Variants in COL19A1 observed in about 807,000 individuals in gnomAD.
COL19A1 encodes the protein collagen type XIX alpha 1 chain.
A neutral mutation model predicts 190.2 loss-of-function variants in COL19A1; 159 were observed. That is an observed-to-expected ratio of 0.84 (90% CI 0.73 to 0.95). The LOEUF (loss-of-function observed/expected upper bound fraction) is 0.95. COL19A1 is among the 40% of genes least tolerant of loss of function. The pLI, the probability that COL19A1 is intolerant of heterozygous loss-of-function variation, is 0.00. For missense variants in COL19A1, 1,418 were observed against 1,431.9 expected (o/e 0.99, Z 0.16); for synonymous variants, 509 against 458.9 (o/e 1.11, Z -1.39).
chr6:70,065,341 A>C (rs1781111730), intron 14 of COL19A1, among the ~76,000 whole-genome samples: 1 of 152,234 alleles, frequency 6.6e-6, no homozygotes, highest in Admixed American at 6.5e-5. Flanking sequence ...AAACCTGACA[A>C]AAACAAGAAA....
intron 19 of COL19A1, 126 bp downstream of exon 19, chr6:70,137,873 C>T (rs1038038966): frequency 3.6e-6 from 3 of 826,806 alleles, no homozygotes; most frequent in Non-Finnish European, 5.8e-6. Flanking sequence ...CAGATCAGAT[C>T]TTCAAGCAAG....
At chr6:70,096,951 C>G (rs761941105) in intron 15 of COL19A1, among the ~76,000 whole-genome samples, 1 of 152,160 alleles carries the variant, frequency 6.6e-6, no homozygotes, top group Non-Finnish European at 1.5e-5. Flanking sequence ...CGTGACCTGA[C>G]AGTTTAGAGA....
intron 9 of COL19A1, among the ~76,000 whole-genome samples, chr6:69,954,807 G>T (rs530609123): frequency 6.6e-6 from 1 of 152,064 alleles, no homozygotes; most frequent in South Asian, 2.1e-4. Context: ...TTACTTCAGG[G>T]CTAAAGATAA....
intron 12 of COL19A1, among the ~76,000 whole-genome samples, chr6:70,025,105 A>G (rs1351036291): frequency 6.7e-6 from 1 of 148,478 alleles, no homozygotes; most frequent in Non-Finnish European, 1.5e-5. Flanking sequence ...ATCTCGGCTC[A>G]CTGCAACCTC....
intron 1 of COL19A1, among the ~76,000 whole-genome samples, chr6:69,871,224 TAC>T (rs1004183718): frequency 1.3e-5 from 2 of 152,234 alleles, no homozygotes; most frequent in African/African-American, 4.8e-5. Context: ...TCTAATAGTT[TAC>T]AGACTCTACT....
rs1343028326 is a variant in COL19A1, at chr6:70,208,807, TG to T, written c.*1534del. 1 of 152,622 alleles carries T rather than the reference TG, an allele frequency of 6.6e-6. No individual in the cohort carries two copies. The highest frequency in any genetic ancestry group is 2.4e-5 in the African/African-American group (1 of 41,452). 9.5% of individuals were successfully genotyped at this position (152,622 alleles called of 1,614,324 possible). On this transcript the variant is annotated 3_prime_UTR_variant, in exon 51 of 51. Coordinates refer to ENST00000620364, the MANE Select transcript of COL19A1 (RefSeq NM_001858.6). ...CATTGGAAAAAGCTGTGAACAGAGT[TG>T]TGTCTGAGGAATGTGCCTAATTTAA...
intron 49 of COL19A1, among the ~76,000 whole-genome samples, chr6:70,206,211 T>C (rs1767838120): frequency 6.6e-6 from 1 of 152,262 alleles, no homozygotes; most frequent in Non-Finnish European, 1.5e-5. Context: ...TTCTTTCATT[T>C]AGCCTATACC....
chr6:70,169,955 A>G (rs1176502318), intron 40 of COL19A1, among the ~76,000 whole-genome samples: 1 of 152,192 alleles, frequency 6.6e-6, no homozygotes, highest in African/African-American at 2.4e-5. Context: ...AATAAAGGAT[A>G]AATTATAATT....
chr6:69,975,603 T>C (rs1349131430), intron 11 of COL19A1, among the ~76,000 whole-genome samples: 1 of 152,224 alleles, frequency 6.6e-6, no homozygotes, highest in Non-Finnish European at 1.5e-5. Context: ...GCCTTTATTC[T>C]GGGGATTTAA....
At chr6:69,975,152 A>C (rs1317416512) in intron 11 of COL19A1, among the ~76,000 whole-genome samples, 1 of 152,140 alleles carries the variant, frequency 6.6e-6, no homozygotes, top group Non-Finnish European at 1.5e-5. Flanking sequence ...ATGAAGATGC[A>C]TTCTCCTGAA....
Position 69,932,771 on chromosome 6 carries a change from A to G in COL19A1, c.667-12A>G. On this transcript the variant is annotated splice_polypyrimidine_tract_variant and intron_variant, in intron 6 of 50. Coordinates refer to ENST00000620364, the MANE Select transcript of COL19A1 (RefSeq NM_001858.6). ...AAACTAAAGATGTTTCTTATTACTA[A>G]TTTTTTCATAGATTGAACTTCACCA... 6.5e-7 allele frequency: 1 copy of G among 1,545,284 alleles called. No homozygotes were observed. The highest frequency in any genetic ancestry group is 8.9e-7 in the Non-Finnish European group (1 of 1,127,824).
Position 69,874,552 on chromosome 6 carries a change from C to T in COL19A1, c.-32-4984C>T, listed in dbSNP as rs189836451. Among the ~76,000 whole-genome samples the T allele has an allele frequency of 2.9e-4, 44 of 152,202 alleles. No homozygotes were observed. The East Asian group carries it at 4.8e-3, about 17-fold the overall frequency. On this transcript the variant is annotated intron_variant, in intron 1 of 50. Transcript: ENST00000620364. ...GGATCACAAGGTCAGGAGATCGAGA[C>T]CATCCTAGCTAACACGGTGAAACCC...
At chr6:70,198,811 G>A (rs902711051) in intron 48 of COL19A1, among the ~76,000 whole-genome samples, 1 of 152,138 alleles carries the variant, frequency 6.6e-6, no homozygotes, top group African/African-American at 2.4e-5. Flanking sequence ...TTGAAGTGTT[G>A]CTTAATTGTA....
chr6:70,207,363 G>GTTTTT lies in COL19A1; in HGVS notation c.*89_*90insTTTTT. 2.4e-6 allele frequency: 1 copy of GTTTTT among 409,332 alleles called. No individual in the cohort carries two copies. Among genetic ancestry groups the GTTTTT allele is most frequent in the South Asian group, 8.1e-5 (1 of 12,296 alleles). 25.4% of individuals were successfully genotyped at this position (409,332 alleles called of 1,614,324 possible). ...GTCAAACCCTCATCATCTGTGGGTTGCTTTTTTTTTTTTTTTTTTTTTTTG... is the reference window on the plus strand; with the variant it reads ...GTCAAACCCTCATCATCTGTGGGTTGTTTTTCTTTTTTTTTTTTTTTTTTTTTTTG... On this transcript the variant is annotated 3_prime_UTR_variant, in exon 51 of 51. Coordinates refer to ENST00000620364, the MANE Select transcript of COL19A1 (RefSeq NM_001858.6).
In COL19A1 at chr6:70,106,265, A is replaced by G. The variant is rs185222269; in HGVS notation, c.1278+4043A>G. Among the ~76,000 whole-genome samples the G allele has an allele frequency of 5.7e-3, 873 of 152,084 alleles. 10 individuals are homozygous for G. Among genetic ancestry groups the G allele is most frequent in the African/African-American group, 0.02 (840 of 41,504 alleles). On this transcript the variant is annotated intron_variant, in intron 16 of 50. Coordinates refer to ENST00000620364, the MANE Select transcript of COL19A1 (RefSeq NM_001858.6). ...TTAGTATATTCTCAGTTTCTTACAA[A>G]ATGTTTGTACCAAAAGGACAACTTG... is the stretch of plus-strand genomic sequence containing the variant.
intron 16 of COL19A1, among the ~76,000 whole-genome samples, chr6:70,109,023 T>C (rs1008340529): frequency 2.0e-5 from 3 of 152,130 alleles, no homozygotes; most frequent in Non-Finnish European, 4.4e-5. Flanking sequence ...GAATATACAG[T>C]GGTTAAAAAC....
At chr6:69,888,912 A>G (rs1769135944) in intron 2 of COL19A1, among the ~76,000 whole-genome samples, 1 of 151,922 alleles carries the variant, frequency 6.6e-6, no homozygotes, top group Non-Finnish European at 1.5e-5. Context: ...AACCTGATAT[A>G]CTTGATATTC....
chr6:69,957,835 G>A (rs1000182801), intron 9 of COL19A1, among the ~76,000 whole-genome samples: 2 of 152,132 alleles, frequency 1.3e-5, no homozygotes, highest in African/African-American at 4.8e-5. Flanking sequence ...ATAAACCTGG[G>A]TGTCAGAGGG....
rs538286335 is a variant in COL19A1 at position 70,120,774 on chromosome 6, C to G, written c.1279-1106C>G. On this transcript the variant is annotated intron_variant, in intron 16 of 50. Coordinates refer to ENST00000620364, the MANE Select transcript of COL19A1 (RefSeq NM_001858.6). ...GCCCTTTATGTTTAGTGGCACAATG[C>G]AAAGGTTTTATATTAGAAGAGATCT... Among the ~76,000 whole-genome samples the G allele has an allele frequency of 2.6e-5, 4 of 152,218 alleles. No homozygotes were observed. The South Asian group carries it at 6.2e-4, about 24-fold the overall frequency.
Sources: allele counts gnomAD v4.1 joint callset (sites outside exome capture counted in the v4.1 genomes callset), GRCh38; gene constraint gnomAD v4.1.1; transcripts MANE v1.5; gene names NCBI Gene and HGNC (gene_info 2026-07-23, HGNC 2026-07-21).